The following LAMA2 variants were observed in gnomAD, a reference collection of about 807,000 sequenced individuals.
LAMA2 encodes laminin subunit alpha 2, also known as laminin subunit alpha-2.
In LAMA2, 269 loss-of-function variants were observed where a neutral mutation model predicts 364.8. The ratio of observed to expected loss-of-function variants is 0.74; its 90% CI spans 0.67 to 0.82. The LOEUF is 0.82. Among genes scored for constraint, LAMA2 ranks in the 40% least tolerant of loss-of-function variants. The probability of loss-of-function intolerance (pLI) is 0.00; values close to 1 mark genes in which losing one functional copy is unlikely to be tolerated. For synonymous variants in LAMA2, 1,379 were observed against 1,370.6 expected, an observed-to-expected ratio of 1.01 and a Z score of -0.14; for missense variants, 3,807 against 3,873.2, an observed-to-expected ratio of 0.98 and a Z score of 0.45.
chr6:129,326,123 A>T (rs375490917), intron 28 of LAMA2, among the ~76,000 whole-genome samples: 3 of 152,214 alleles, frequency 2.0e-5, no homozygotes, highest in South Asian at 4.1e-4. Flanking sequence ...TACAGGCGTG[A>T]GCCACCATGT....
chr6:129,313,509 C>T (rs372309888), intron 23 of LAMA2, among the ~76,000 whole-genome samples: 1 of 152,116 alleles, frequency 6.6e-6, no homozygotes, highest in Non-Finnish European at 1.5e-5. Context: ...AATCTGCAAT[C>T]GCTGTATACT....
intron 28 of LAMA2, among the ~76,000 whole-genome samples, chr6:129,325,370 G>A (rs760010968): frequency 1.3e-5 from 2 of 151,912 alleles, no homozygotes; most frequent in Non-Finnish European, 2.9e-5. Context: ...TTTTAGATGG[G>A]ACTCAAAAAG....
At chr6:128,930,684 T>C (rs577713395) in intron 1 of LAMA2, among the ~76,000 whole-genome samples, 5 of 152,238 alleles carry the variant, frequency 3.3e-5, no homozygotes, top group Non-Finnish European at 5.9e-5. Flanking sequence ...CTGACTGATA[T>C]GATCCCTTAA....
At chr6:129,159,211 T>G in intron 8 of LAMA2, 1 of 1,156,138 alleles carries the variant, frequency 8.6e-7, no homozygotes, top group East Asian at 2.3e-5. Flanking sequence ...CAGTGAGATT[T>G]TCTTGTAAAA....
chr6:129,479,066 CTT>C (rs1244946811), intron 54 of LAMA2, among the ~76,000 whole-genome samples: 1 of 152,134 alleles, frequency 6.6e-6, no homozygotes, highest in Non-Finnish European at 1.5e-5. Context: ...ATACTAATCT[CTT>C]TTCTGTTTTT....
At chr6:129,193,362 A>G (rs956143626) in intron 12 of LAMA2, among the ~76,000 whole-genome samples, 5 of 152,242 alleles carry the variant, frequency 3.3e-5, no homozygotes, top group South Asian at 2.1e-4. Context: ...TGTAAACAAC[A>G]TATTTGCTGG....
chr6:129,233,655 G>A (rs1000573633), intron 12 of LAMA2, among the ~76,000 whole-genome samples: 1 of 152,096 alleles, frequency 6.6e-6, no homozygotes, highest in Non-Finnish European at 1.5e-5. Flanking sequence ...CTCAGGGGAG[G>A]CAGAGACAGA....
chr6:129,452,088 A>G (rs572975613), intron 45 of LAMA2, among the ~76,000 whole-genome samples: 1 of 152,356 alleles, frequency 6.6e-6, no homozygotes, highest in East Asian at 1.9e-4. Context: ...CTGGAGCGCT[A>G]TCAATGAACA....
chr6:129,315,389 G>A, intron 24 of LAMA2, 87 bp from the exon 25 acceptor site: 2 of 1,155,210 alleles, frequency 1.7e-6, no homozygotes, highest in East Asian at 2.4e-5. Flanking sequence ...TATAGGAACT[G>A]CAGATAGACA....
intron 18 of LAMA2, among the ~76,000 whole-genome samples, chr6:129,287,528 G>T (rs1389523750): frequency 6.6e-6 from 1 of 152,110 alleles, no homozygotes; most frequent in Non-Finnish European, 1.5e-5. Flanking sequence ...GTACTACAAA[G>T]GCTTTCCAAC....
chr6:129,471,569 A>G (rs1562594461), intron 51 of LAMA2, among the ~76,000 whole-genome samples: 1 of 151,952 alleles, frequency 6.6e-6, no homozygotes, highest in Admixed American at 6.6e-5. Flanking sequence ...TCTTCCAGTC[A>G]ACAGCCCCAT....
At chr6:129,481,495 A>AACTT in intron 55 of LAMA2, 56 bp downstream of exon 55, 1 of 1,411,836 alleles carries the variant, frequency 7.1e-7, no homozygotes, top group Non-Finnish European at 1.0e-6. Context: ...TAAAGCAGTT[A>AACTT]ACTTACTTTT....
At position 129,361,783 on chromosome 6, in the gene LAMA2, CTT is replaced by C. The variant is rs66805881; in HGVS notation, c.4718-4418_4718-4417del. Among the ~76,000 whole-genome samples the C allele has an allele frequency of 9.2e-3, 1,112 of 121,062 alleles. 13 individuals are homozygous for C. The highest frequency in any genetic ancestry group is 0.033 in the African/African-American group (1,057 of 32,124). 79.4% of individuals were successfully genotyped at this position (121,062 alleles called of 152,430 possible). A position where few individuals can be genotyped will look rare whatever the true frequency, so the allele number is the denominator to read the frequency against. On this transcript the variant is annotated intron_variant, in intron 32 of 64. Transcript: ENST00000421865. ...GTGGCAAAGAAGTATTAACAGTAAC[CTT>C]TTTTTTTTTTTTTTTTTGAGATGGA...
At chr6:129,397,810 G>A (rs1439857583) in intron 37 of LAMA2, among the ~76,000 whole-genome samples, 1 of 151,824 alleles carries the variant, frequency 6.6e-6, no homozygotes, top group Non-Finnish European at 1.5e-5. Context: ...CGTGGTGGCA[G>A]GCACCTGCAG....
intron 1 of LAMA2, among the ~76,000 whole-genome samples, chr6:128,944,031 C>T (rs570272114): frequency 1.6e-4 from 25 of 152,256 alleles, no homozygotes; most frequent in Admixed American, 9.8e-4. Context: ...CAAAACCTGA[C>T]AATCTAGTAC....
chr6:129,447,289 G>A (rs1392523591), intron 45 of LAMA2, among the ~76,000 whole-genome samples: 1 of 152,180 alleles, frequency 6.6e-6, no homozygotes. Context: ...GTTCTAGAAA[G>A]AACAATCACC....
At chr6:129,064,413 TA>T (rs1789154973) in intron 3 of LAMA2, among the ~76,000 whole-genome samples, 1 of 145,820 alleles carries the variant, frequency 6.9e-6, no homozygotes, top group Non-Finnish European at 1.5e-5. Context: ...AAACTAGGCC[TA>T]GAAGTAGCAG....
chr6:129,054,672 GTAATA>G (rs980216768), intron 2 of LAMA2, among the ~76,000 whole-genome samples: 6 of 147,960 alleles, frequency 4.1e-5, no homozygotes, highest in African/African-American at 7.4e-5. Context: ...TATATGATAT[GTAATA>G]TAATATACTT....
rs138737135 is a variant in LAMA2, at chr6:129,450,157, G to GTT, written c.6430-2819_6430-2818dup. On this transcript the variant is annotated intron_variant, in intron 45 of 64. Coordinates refer to ENST00000421865, the MANE Select transcript of LAMA2 (RefSeq NM_000426.4). Reference sequence around the variant, plus strand: ...TTCAACACACTAATCATGGAATCCCGTTTTTTTTTTTTTACCAGGCTTACC... The same window carrying GTT: ...TTCAACACACTAATCATGGAATCCCGTTTTTTTTTTTTTTTACCAGGCTTACC... Among the ~76,000 whole-genome samples, 407 of 142,152 alleles carry GTT rather than the reference G, an allele frequency of 2.9e-3. 1 individual carries two copies. Among genetic ancestry groups the GTT allele is most frequent in the Admixed American group, 4.2e-3 (60 of 14,298 alleles). 93.3% of individuals were successfully genotyped at this position (142,152 alleles called of 152,430 possible).
Sources: allele counts gnomAD v4.1 joint callset (sites outside exome capture counted in the v4.1 genomes callset), GRCh38; gene constraint gnomAD v4.1.1; transcripts MANE v1.5; gene names NCBI Gene and HGNC (gene_info 2026-07-23, HGNC 2026-07-21).